The following CADM2 variants were observed in gnomAD, a reference collection of about 807,000 sequenced individuals.
CADM2 encodes cell adhesion molecule 2, also known as immunoglobulin superfamily member 4D.
CADM2 carries 12 observed loss-of-function variants against 49.8 expected under a neutral mutation model. The ratio of observed to expected loss-of-function variants is 0.24; its 90% CI spans 0.15 to 0.39. The LOEUF (loss-of-function observed/expected upper bound fraction) is 0.39, where lower values mean the gene tolerates loss of function less well. Among genes scored for constraint, CADM2 ranks in the 10% least tolerant of loss-of-function variants. The probability of loss-of-function intolerance (pLI) is 1.00; values close to 1 mark genes in which losing one functional copy is unlikely to be tolerated. For missense variants in CADM2, 378 were observed against 492.3 expected, an observed-to-expected ratio of 0.77 and a Z score of 2.20; for synonymous variants, 214 against 175.4, an observed-to-expected ratio of 1.22 and a Z score of -1.74.
intron 1 of CADM2, among the ~76,000 whole-genome samples, chr3:85,042,036 T>G (rs766723162): frequency 1.3e-5 from 2 of 152,204 alleles, no homozygotes; most frequent in Non-Finnish European, 1.5e-5. Context: ...TAAATATTGG[T>G]GTACATTCCT....
At chr3:85,549,621 GTATT>G (rs762176344) in intron 1 of CADM2, among the ~76,000 whole-genome samples, 6 of 151,616 alleles carry the variant, frequency 4.0e-5, no homozygotes, top group Admixed American at 6.6e-5. Flanking sequence ...ATATTTAAAG[GTATT>G]TATTTATTTA....
chr3:85,877,082 A>C (rs554456424), intron 3 of CADM2, among the ~76,000 whole-genome samples: 43 of 152,250 alleles, frequency 2.8e-4, no homozygotes, highest in Admixed American at 7.9e-4. Context: ...CTAAGATGGA[A>C]TCTTCCAGAA....
At chr3:84,978,150 A>G in intron 1 of CADM2, among the ~76,000 whole-genome samples, 1 of 152,126 alleles carries the variant, frequency 6.6e-6, no homozygotes, top group Admixed American at 6.6e-5. Context: ...CTTCCTTGAC[A>G]TTATTTAAAA....
intron 6 of CADM2, among the ~76,000 whole-genome samples, chr3:85,917,755 G>T (rs1257404556): frequency 6.6e-6 from 1 of 152,098 alleles, no homozygotes; most frequent in Non-Finnish European, 1.5e-5. Context: ...AAATTACCTT[G>T]GGCAGTATGG....
At chr3:85,558,285 A>C (rs142444606) in intron 1 of CADM2, among the ~76,000 whole-genome samples, 2 of 152,038 alleles carry the variant, frequency 1.3e-5, no homozygotes, top group Non-Finnish European at 2.9e-5. Context: ...ATTGCTCTCC[A>C]TCTAAATTTT....
At chr3:85,832,067 C>T (rs2074211902) in intron 3 of CADM2, among the ~76,000 whole-genome samples, 1 of 151,958 alleles carries the variant, frequency 6.6e-6, no homozygotes, top group African/African-American at 2.4e-5. Flanking sequence ...GTTATCACAG[C>T]ATCATTTACT....
chr3:85,056,989 GT>G (rs1251499586), intron 1 of CADM2, among the ~76,000 whole-genome samples: 1 of 152,080 alleles, frequency 6.6e-6, no homozygotes, highest in Non-Finnish European at 1.5e-5. Flanking sequence ...CAGCCATCAA[GT>G]TTTTGAAAGT....
chr3:85,294,916 C>A (rs1173273591), intron 1 of CADM2, among the ~76,000 whole-genome samples: 1 of 152,136 alleles, frequency 6.6e-6, no homozygotes, highest in Admixed American at 6.6e-5. Flanking sequence ...AAAGCAATGG[C>A]AACAAAAGCC....
chr3:85,330,254 T>G (rs778980289), intron 1 of CADM2, among the ~76,000 whole-genome samples: 1 of 152,192 alleles, frequency 6.6e-6, no homozygotes, highest in Non-Finnish European at 1.5e-5. Flanking sequence ...GTCTATTTTT[T>G]CTCAATTACA....
At chr3:85,753,200 A>G (rs971474193) in intron 2 of CADM2, among the ~76,000 whole-genome samples, 3 of 152,154 alleles carry the variant, frequency 2.0e-5, no homozygotes, top group Non-Finnish European at 4.4e-5. Flanking sequence ...TACATTAAAT[A>G]TATATTTTTT....
chr3:85,735,719 A>G (rs1577193525), intron 2 of CADM2, among the ~76,000 whole-genome samples: 1 of 152,102 alleles, frequency 6.6e-6, no homozygotes, highest in African/African-American at 2.4e-5. Flanking sequence ...CATGATATAG[A>G]GAATGGAGTG....
At chr3:85,552,050 A>G (rs1385681550) in intron 1 of CADM2, among the ~76,000 whole-genome samples, 2 of 152,212 alleles carry the variant, frequency 1.3e-5, no homozygotes, top group Non-Finnish European at 2.9e-5. Context: ...CAATATAATC[A>G]ATATTCTAAC....
At chr3:85,687,016 T>C (rs2066238008) in intron 1 of CADM2, among the ~76,000 whole-genome samples, 1 of 152,176 alleles carries the variant, frequency 6.6e-6, no homozygotes, top group South Asian at 2.1e-4. Flanking sequence ...GTGTCACGGG[T>C]GTGCATCCTC....
intron 1 of CADM2, among the ~76,000 whole-genome samples, chr3:85,411,737 A>G (rs1417044430): frequency 6.6e-6 from 1 of 152,230 alleles, no homozygotes; most frequent in African/African-American, 2.4e-5. Context: ...TGACCTTACG[A>G]AAGACAGAGT....
At chr3:85,150,345 A>G (rs1028349001) in intron 1 of CADM2, among the ~76,000 whole-genome samples, 1 of 152,194 alleles carries the variant, frequency 6.6e-6, no homozygotes, top group Non-Finnish European at 1.5e-5. Flanking sequence ...CAGATGGTGT[A>G]CAAAAGACAC....
intron 8 of CADM2, chr3:86,014,693 A>C: frequency 6.5e-7 from 1 of 1,534,160 alleles, no homozygotes; most frequent in Non-Finnish European, 8.8e-7. Context: ...AATTCAATAC[A>C]CCGGAGGAAC....
chr3:85,187,813 A>T (rs1311933364), intron 1 of CADM2, among the ~76,000 whole-genome samples: 1 of 152,076 alleles, frequency 6.6e-6, no homozygotes, highest in Non-Finnish European at 1.5e-5. Flanking sequence ...CATATAAGGT[A>T]CTTACTATAT....
chr3:85,065,986 G>T (rs189364510), intron 1 of CADM2, among the ~76,000 whole-genome samples: 193 of 152,282 alleles, frequency 1.3e-3, no homozygotes, highest in African/African-American at 4.4e-3. Flanking sequence ...GCCATGTTTT[G>T]CTGTCTTGGA....
At chr3:85,746,464 A>G (rs551571256) in intron 2 of CADM2, among the ~76,000 whole-genome samples, 32 of 152,296 alleles carry the variant, frequency 2.1e-4, no homozygotes, top group African/African-American at 7.2e-4. Context: ...AAACAAGTGT[A>G]CCATATAACT....
Sources: allele counts gnomAD v4.1 joint callset (sites outside exome capture counted in the v4.1 genomes callset), GRCh38; gene constraint gnomAD v4.1.1; transcripts MANE v1.5; gene names NCBI Gene and HGNC (gene_info 2026-07-23, HGNC 2026-07-21).